Variants in PDE4D observed in about 807,000 individuals in gnomAD.
The protein encoded by PDE4D is phosphodiesterase 4D, also known as 3',5'-cyclic-AMP phosphodiesterase 4D.
A neutral mutation model predicts 87.4 loss-of-function variants in PDE4D; 24 were observed. That is an observed-to-expected ratio of 0.27 (90% CI 0.20 to 0.39). PDE4D has a LOEUF of 0.39. Ranked by LOEUF, PDE4D falls within the 10% of genes least tolerant of loss-of-function variation. PDE4D has a pLI of 1.00. For missense variants in PDE4D, 714 were observed against 1,041.0 expected (o/e 0.69, Z 4.32); for synonymous variants, 384 against 383.2 (o/e 1.00, Z -0.02).
intron 3 of PDE4D, among the ~76,000 whole-genome samples, chr5:59,941,168 C>T (rs146731458): frequency 6.6e-6 from 1 of 152,298 alleles, no homozygotes; most frequent in East Asian, 1.9e-4. Context: ...TCAGTTAAGT[C>T]ACTGAGTTTG....
At chr5:59,146,768 G>GA (rs200902459) in intron 5 of PDE4D, among the ~76,000 whole-genome samples, 29 of 146,776 alleles carry the variant, frequency 2.0e-4, no homozygotes, top group East Asian at 5.8e-4. Context: ...TATTTCCTGA[G>GA]AAAAAAAATT....
At chr5:59,718,608 C>A (rs938594605) in intron 1 of PDE4D, among the ~76,000 whole-genome samples, 3 of 152,132 alleles carry the variant, frequency 2.0e-5, no homozygotes, top group African/African-American at 7.2e-5. Flanking sequence ...AAGGAAGATT[C>A]TTTGACTCCT....
chr5:59,467,915 A>G (rs1224238790), intron 1 of PDE4D, among the ~76,000 whole-genome samples: 1 of 152,244 alleles, frequency 6.6e-6, no homozygotes, highest in Non-Finnish European at 1.5e-5. Flanking sequence ...GCATTTAAGT[A>G]TATAGCTTCA....
chr5:60,071,704 A>G (rs1772738594), intron 2 of PDE4D, among the ~76,000 whole-genome samples: 2 of 151,866 alleles, frequency 1.3e-5, no homozygotes, highest in African/African-American at 4.8e-5. Context: ...TGCTAAGCCT[A>G]GTTTCCATCT....
At chr5:60,209,187 C>CTTTTTTTTTTTTTT (rs58524375) in intron 1 of PDE4D, among the ~76,000 whole-genome samples, 2 of 108,498 alleles carry the variant, frequency 1.8e-5, no homozygotes. Flanking sequence ...TTCTTTTTTT[C>CTTTTTTTTTTTTTT]TTTTTTTTTT....
intron 1 of PDE4D, among the ~76,000 whole-genome samples, chr5:59,566,577 T>A (rs773338915): frequency 0.01 from 556 of 54,596 alleles, 8 homozygotes; most frequent in South Asian, 0.03. Context: ...TGTGTGTGTG[T>A]GTGTGTGAGA....
chr5:59,815,509 T>C (rs1768874208), intron 1 of PDE4D, among the ~76,000 whole-genome samples: 1 of 152,198 alleles, frequency 6.6e-6, no homozygotes, highest in Admixed American at 6.5e-5. Context: ...AACTTCGCTC[T>C]TCCTCAGTGT....
chr5:60,119,451 T>C (rs939646352), intron 2 of PDE4D, among the ~76,000 whole-genome samples: 2 of 152,208 alleles, frequency 1.3e-5, no homozygotes, highest in Admixed American at 1.3e-4. Context: ...GAGATTCAAA[T>C]AAAGAATTGA....
At chr5:58,988,650 T>G in intron 10 of PDE4D, 58 bp from the exon 11 acceptor site, 1 of 699,146 alleles carries the variant, frequency 1.4e-6, no homozygotes, top group Non-Finnish European at 2.2e-6. Context: ...GAATTAAAAG[T>G]ATAAACAAAT....
intron 5 of PDE4D, among the ~76,000 whole-genome samples, chr5:59,058,439 G>A (rs577822119): frequency 1.5e-3 from 234 of 152,214 alleles, no homozygotes; most frequent in Non-Finnish European, 3.0e-3. Context: ...CATATCTATT[G>A]CCTTGTCTTC....
At chr5:59,384,113 C>T (rs1455663844) in intron 1 of PDE4D, among the ~76,000 whole-genome samples, 1 of 151,906 alleles carries the variant, frequency 6.6e-6, no homozygotes, top group Non-Finnish European at 1.5e-5. Context: ...GCCAAGTTAC[C>T]CAGGCTGGTC....
chr5:60,091,963 A>AT (rs1196149881), intron 2 of PDE4D, among the ~76,000 whole-genome samples: 1 of 145,190 alleles, frequency 6.9e-6, no homozygotes, highest in Non-Finnish European at 1.5e-5. Flanking sequence ...AGGCAGGAGA[A>AT]TGGCGTGAAC....
At chr5:59,522,408 AAC>A (rs1812400340) in intron 1 of PDE4D, among the ~76,000 whole-genome samples, 1 of 152,150 alleles carries the variant, frequency 6.6e-6, no homozygotes, top group South Asian at 2.1e-4. Context: ...GCTGCACACA[AAC>A]AGTGTCACTG....
At chr5:59,985,124 G>GTTGTTT (rs1762290009) in intron 3 of PDE4D, among the ~76,000 whole-genome samples, 7 of 111,268 alleles carry the variant, frequency 6.3e-5, no homozygotes, top group Non-Finnish European at 1.1e-4. Flanking sequence ...TTCACCTTTC[G>GTTGTTT]TTTTTTGTTT....
At chr5:59,526,294 A>G (rs1260585547) in intron 1 of PDE4D, among the ~76,000 whole-genome samples, 1 of 152,192 alleles carries the variant, frequency 6.6e-6, no homozygotes, top group African/African-American at 2.4e-5. Context: ...TAAGTCCTCA[A>G]ATGCCTATGG....
At chr5:59,414,374 G>C (rs150612689) in intron 1 of PDE4D, among the ~76,000 whole-genome samples, 20 of 152,292 alleles carry the variant, frequency 1.3e-4, no homozygotes, top group Non-Finnish European at 2.5e-4. Context: ...ATCATGCTCC[G>C]CAGTCTTCAT....
intron 2 of PDE4D, among the ~76,000 whole-genome samples, chr5:59,208,001 T>TAA (rs200620615): frequency 7.0e-5 from 10 of 143,740 alleles, no homozygotes; most frequent in African/African-American, 1.3e-4. Context: ...CTACTAAAAG[T>TAA]AAAAAAAAAA....
intron 1 of PDE4D, among the ~76,000 whole-genome samples, chr5:59,625,762 T>C (rs985190552): frequency 6.6e-6 from 1 of 152,164 alleles, no homozygotes; most frequent in African/African-American, 2.4e-5. Context: ...TACACGACTA[T>C]ATTATTCATG....
intron 1 of PDE4D, among the ~76,000 whole-genome samples, chr5:59,291,743 T>TG (rs1371020931): frequency 1.4e-4 from 21 of 149,798 alleles, no homozygotes; most frequent in African/African-American, 4.1e-4. Flanking sequence ...AAGAAGTTTT[T>TG]TTTTTTTTTT....
Sources: gnomAD v4.1 joint callset for allele counts (sites outside exome capture counted in the v4.1 genomes callset) on GRCh38, gnomAD v4.1.1 for gene constraint, MANE v1.5 for transcripts, NCBI Gene and HGNC (gene_info 2026-07-23, HGNC 2026-07-21) for gene names.